The following ARSI variants were observed in gnomAD, a reference collection of about 807,000 sequenced individuals.
ARSI encodes the protein arylsulfatase family member I, also known as arylsulfatase I.
In ARSI, 37 loss-of-function variants were observed where a neutral mutation model predicts 42.1. The observed-to-expected ratio is 0.88, with a 90% CI of 0.68 to 1.16. ARSI has a LOEUF of 1.16. Among genes scored for constraint, ARSI ranks in the 50% most tolerant of loss-of-function variants. ARSI has a pLI of 0.00. For missense variants in ARSI, 725 were observed against 790.1 expected, an observed-to-expected ratio of 0.92 and a Z score of 0.99; for synonymous variants, 305 against 320.3, an observed-to-expected ratio of 0.95 and a Z score of 0.51.
chr5:150,299,152 C>A (rs1757876725), intron 1 of ARSI, among the ~76,000 whole-genome samples: 1 of 152,196 alleles, frequency 6.6e-6, no homozygotes. Context: ...AGCAGTCTGG[C>A]TCCAGACTTC....
chr5:150,297,180 A>AAT lies in ARSI; in HGVS notation c.*33_*34insAT, dbSNP rs1330866890. ...GCAGGGCCAAGCCGGAGTGGGGAAG[A>AAT]TCCTCTAAAGGACAGTTTTCTCCCT... On this transcript the variant is annotated 3_prime_UTR_variant, in exon 2 of 2. Coordinates refer to ENST00000328668, the MANE Select transcript of ARSI (RefSeq NM_001012301.4). The surrounding 1 kb of genome is among the most constrained non-coding windows in gnomAD (Gnocchi z 7.0). 7 of 1,528,808 alleles carry AAT rather than the reference A, an allele frequency of 4.6e-6. No homozygotes were observed. The African/African-American group carries it at 9.7e-5, about 21-fold the overall frequency. 94.7% of individuals were successfully genotyped at this position (1,528,808 alleles called of 1,614,324 possible).
At position 150,298,588 on chromosome 5, in the gene ARSI, C is replaced by T. The variant is rs1388806231; in HGVS notation, c.336G>A (p.Gln112=). The T allele has an allele frequency of 6.2e-7, 1 of 1,610,978 alleles. No homozygotes were observed. The highest frequency in any genetic ancestry group is 1.1e-5 in the South Asian group (1 of 90,660). Residue 112 remains glutamine (Q), a synonymous_variant, in exon 2 of 2, where the codon CAG becomes CAA. Transcript: ENST00000328668. The stretch of plus-strand genomic sequence containing the variant: ...GCTGCTGTGGGCGGATGATGGAATG[C>T]TGGAGTCCTGTGTGGATCTGGTACC... The part of the protein sequence containing the change: ...TGRYQIHTGL[Q]HSIIRPQQPN...
intron 1 of ARSI, 126 bp downstream of exon 1, chr5:150,301,937 A>T: frequency 1.9e-6 from 2 of 1,029,168 alleles, no homozygotes; most frequent in Non-Finnish European, 2.8e-6. Context: ...GGGACTTACT[A>T]ATGATTACAC....
intron 1 of ARSI, among the ~76,000 whole-genome samples, chr5:150,301,112 C>T (rs977662493): frequency 6.6e-6 from 1 of 152,230 alleles, no homozygotes; most frequent in Non-Finnish European, 1.5e-5. Flanking sequence ...TAGGCCCTCC[C>T]TGAGTCCTTG....
In ARSI at chr5:150,297,453, G is replaced by A. The variant is rs761781936; in HGVS notation, c.1471C>T (p.Arg491Cys). 20 of 1,611,242 alleles carry A rather than the reference G, an allele frequency of 1.2e-5. No individual in the cohort carries two copies. The highest frequency in any genetic ancestry group is 1.5e-5 in the Non-Finnish European group (18 of 1,178,464). Residue 491 changes from arginine to cysteine, a missense_variant, in exon 2 of 2, where the codon CGC becomes TGC. Coordinates refer to ENST00000328668, the MANE Select transcript of ARSI (RefSeq NM_001012301.4). The surrounding 1 kb of genome is among the most constrained non-coding windows in gnomAD (Gnocchi z 7.0). ...GCTGTGCGGTTATATTCGGCCAGGC[G>A]AGCCAGCAGGGTGCGGACCACATCA... ...RPDVVRTLLARLAEYNRTAIP... is the reference protein window; with the variant it reads ...RPDVVRTLLACLAEYNRTAIP...
chr5:150,297,590 A>G lies in ARSI; in HGVS notation c.1334T>C (p.Phe445Ser). The change falls in exon 2 of 2, where the codon TTC (phenylalanine) becomes TCC (serine). Residue 445 changes from phenylalanine to serine, a missense_variant. By Grantham distance (155) the Phe-to-Ser change is radical (BLOSUM62 -2). Transcript: ENST00000328668. The surrounding 1 kb of genome is among the most constrained non-coding windows in gnomAD (Gnocchi z 7.0). ...DWIPPQTLAT[F>S]PGSWWNLERM... is the part of the protein sequence containing the mutation. Reference sequence around the variant, plus strand: ...TTCCAGGTTCCACCAGCTACCCGGGAAGGTGGCCAGTGTCTGCGGTGGGAT... The same window carrying G: ...TTCCAGGTTCCACCAGCTACCCGGGGAGGTGGCCAGTGTCTGCGGTGGGAT... 1 of 1,610,548 alleles carries G rather than the reference A, an allele frequency of 6.2e-7. No individual in the cohort carries two copies. The highest frequency in any genetic ancestry group is 8.5e-7 in the Non-Finnish European group (1 of 1,178,698).
At chr5:150,300,189 T>C (rs916396771) in intron 1 of ARSI, among the ~76,000 whole-genome samples, 2 of 152,242 alleles carry the variant, frequency 1.3e-5, no homozygotes, top group Non-Finnish European at 2.9e-5. Context: ...TAGCTACTAC[T>C]GCCATTTTTA....
chr5:150,301,368 G>A (rs1757916804), intron 1 of ARSI, among the ~76,000 whole-genome samples: 1 of 152,204 alleles, frequency 6.6e-6, no homozygotes, highest in South Asian at 2.1e-4. Flanking sequence ...TGCCTCGCCT[G>A]TGGACATTTC....
In ARSI at chr5:150,302,304, T is replaced by C. The variant is rs1757935095; in HGVS notation, c.70A>G (p.Lys24Glu). The C allele has an allele frequency of 1.2e-6, 2 of 1,600,256 alleles. No homozygotes were observed. The highest frequency in any genetic ancestry group is 4.5e-5 in the East Asian group (2 of 44,482). ...GGCCCGTCGGCCACGAAGCTCGGCTTGGCCCAGTCCCAGGACAGGTAGCCG... is the reference window on the plus strand; with the variant it reads ...GGCCCGTCGGCCACGAAGCTCGGCTCGGCCCAGTCCCAGGACAGGTAGCCG... The part of the protein sequence containing the change: ...SFGYLSWDWA[K>E]PSFVADGPGE... The change falls in exon 1 of 2, where the codon AAG becomes GAG. Residue 24 changes from lysine (K) to glutamate (E), a missense_variant. Lys to Glu is a moderately conservative substitution (Grantham distance 56, BLOSUM62 1). Coordinates refer to ENST00000328668, the MANE Select transcript of ARSI (RefSeq NM_001012301.4). This position sits in a 1 kb window ranked among gnomAD's most constrained non-coding sequence, Gnocchi z 6.1.
chr5:150,302,576 G>T lies in ARSI; in HGVS notation c.-203C>A. ...GGCCGCAGCGGGGCGCTCTGGGGAG[G>T]TCAGGCCCGCGCCGAGCTGCCTCCC... On this transcript the variant is annotated 5_prime_UTR_variant, in exon 1 of 2. Coordinates refer to ENST00000328668, the MANE Select transcript of ARSI (RefSeq NM_001012301.4). This position sits in a 1 kb window ranked among gnomAD's most constrained non-coding sequence, Gnocchi z 6.1. The T allele has an allele frequency of 2.5e-6, 1 of 408,022 alleles. No individual in the cohort carries two copies. Among genetic ancestry groups the T allele is most frequent in the Non-Finnish European group, 4.2e-6 (1 of 237,608 alleles). The allele number at this position is 408,022 out of a possible 1,614,324, so 25.3% of individuals were successfully genotyped here.
At position 150,302,291 on chromosome 5, in the gene ARSI, A is replaced by G; in HGVS notation, c.83T>C (p.Val28Ala). 6.2e-7 allele frequency: 1 copy of G among 1,604,024 alleles called. No individual in the cohort carries two copies. The highest frequency in any genetic ancestry group is 8.5e-7 in the Non-Finnish European group (1 of 1,176,282). The part of the protein sequence containing the change: ...LSWDWAKPSF[V>A]ADGPGEAGEQ... ...GCCAGCCTCCCCGGGCCCGTCGGCC[A>G]CGAAGCTCGGCTTGGCCCAGTCCCA... Residue 28 changes from valine to alanine, a missense_variant, in exon 1 of 2, where the codon GTG becomes GCG. Transcript: ENST00000328668. The surrounding 1 kb of genome is among the most constrained non-coding windows in gnomAD (Gnocchi z 6.1).
At chr5:150,299,864 C>T (rs1757891147) in intron 1 of ARSI, among the ~76,000 whole-genome samples, 1 of 152,148 alleles carries the variant, frequency 6.6e-6, no homozygotes, top group Non-Finnish European at 1.5e-5. Context: ...GGCTATCACC[C>T]TGAGGCAGGA....
intron 1 of ARSI, among the ~76,000 whole-genome samples, chr5:150,299,099 G>A (rs187228650): frequency 4.6e-4 from 70 of 152,264 alleles, no homozygotes; most frequent in South Asian, 4.2e-4. Flanking sequence ...TTAGTTGCCC[G>A]GTGACTCACA....
In ARSI at chr5:150,298,065, A is replaced by G; in HGVS notation, c.859T>C (p.Tyr287His). Reference sequence around the variant, plus strand: ...GAGAAGATGATGACACTGTTGTTGTAGAAACCGTAGCGCTTGAGGGCCCAG... The same window carrying G: ...GAGAAGATGATGACACTGTTGTTGTGGAAACCGTAGCGCTTGAGGGCCCAG... The part of the protein sequence containing the change: ...ITWALKRYGF[Y>H]NNSVIIFSSD... The change falls in exon 2 of 2, where the codon TAC (tyrosine) becomes CAC (histidine). Residue 287 changes from tyrosine to histidine, a missense_variant. By Grantham distance (83) the Tyr-to-His change is moderately conservative (BLOSUM62 2). Coordinates refer to ENST00000328668, the MANE Select transcript of ARSI (RefSeq NM_001012301.4). The G allele has an allele frequency of 6.2e-7, 1 of 1,612,708 alleles. No homozygotes were observed. The highest frequency in any genetic ancestry group is 8.5e-7 in the Non-Finnish European group (1 of 1,179,976).
chr5:150,297,759 G>C lies in ARSI; in HGVS notation c.1165C>G (p.Leu389Val), dbSNP rs1757838241. The C allele has an allele frequency of 6.2e-7, 1 of 1,609,852 alleles. No individual in the cohort carries two copies. Among genetic ancestry groups the C allele is most frequent in the Non-Finnish European group, 8.5e-7 (1 of 1,177,824 alleles). The change falls in exon 2 of 2, where the codon CTG becomes GTG. Residue 389 changes from leucine to valine, a missense_variant. By Grantham distance (32) the Leu-to-Val change is conservative. Coordinates refer to ENST00000328668, the MANE Select transcript of ARSI (RefSeq NM_001012301.4). This position sits in a 1 kb window ranked among gnomAD's most constrained non-coding sequence, Gnocchi z 7.0. ...TTGTAGAGTGGGTCAATGTTGTGCA[G>C]GATCTCCGTGCGTGGTGAGGCCCGG... ...EGRASPRTEI[L>V]HNIDPLYNHA... is the part of the protein sequence containing the mutation.
chr5:150,299,174 G>T (rs1487720009), intron 1 of ARSI, among the ~76,000 whole-genome samples: 3 of 152,190 alleles, frequency 2.0e-5, no homozygotes. Flanking sequence ...GAATCCCTAA[G>T]CTCTAAGCTA....
At chr5:150,299,409 CAT>C (rs1403719552) in intron 1 of ARSI, among the ~76,000 whole-genome samples, 2 of 152,200 alleles carry the variant, frequency 1.3e-5, no homozygotes, top group African/African-American at 4.8e-5. Flanking sequence ...CGCCCAGTGA[CAT>C]GTGATGAGAC....
In ARSI at chr5:150,298,058, T is replaced by G; in HGVS notation, c.866A>C (p.Asn289Thr). Residue 289 changes from asparagine (N) to threonine (T), a missense_variant, in exon 2 of 2, where the codon AAC becomes ACC. Transcript: ENST00000328668. ...WALKRYGFYN[N>T]SVIIFSSDNG... ...GTCACTGGAGAAGATGATGACACTG[T>G]TGTTGTAGAAACCGTAGCGCTTGAG... The G allele has an allele frequency of 6.2e-7, 1 of 1,612,776 alleles. No homozygotes were observed.
At chr5:150,298,666 C>T in intron 1 of ARSI, 54 bp from the exon 2 acceptor site, 1 of 1,516,702 alleles carries the variant, frequency 6.6e-7, no homozygotes, top group Non-Finnish European at 8.9e-7. Context: ...CAGACCATTG[C>T]TCTGGCCATC....
Sources: allele counts gnomAD v4.1 joint callset (sites outside exome capture counted in the v4.1 genomes callset), GRCh38; gene constraint gnomAD v4.1.1; non-coding constraint Gnocchi (gnomAD v3.1); transcripts MANE v1.5; gene names NCBI Gene and HGNC (gene_info 2026-07-23, HGNC 2026-07-21).